Variants in KAZN observed in about 807,000 individuals in gnomAD.
KAZN encodes the protein kazrin.
Under a neutral mutation model 87.4 loss-of-function variants are expected in KAZN, and 40 were observed. The ratio of observed to expected loss-of-function variants is 0.46; its 90% confidence interval spans 0.36 to 0.60. The LOEUF is 0.60. Ranked by LOEUF, KAZN falls within the 20% of genes least tolerant of loss-of-function variation. The pLI is 0.00. For synonymous variants in KAZN, 466 were observed against 458.3 expected (o/e 1.02, Z -0.22); for missense variants, 898 against 1,073.9 (o/e 0.84, Z 2.29).
At position 14,397,632 on chromosome 1, in the gene KAZN, G is replaced by A. The variant is rs912303770; in HGVS notation, c.250-201351G>A. Among the ~76,000 whole-genome samples, 32 of 151,934 alleles carry A rather than the reference G, an allele frequency of 2.1e-4. 1 individual carries two copies. The highest frequency in any genetic ancestry group is 1.8e-4 in the Non-Finnish European group (12 of 67,986). ...AACAGTTTGGGAGGCCGAGGCGGGC[G>A]GATCACCTGAGGTCAGGAGTTTGAG... On this transcript the variant is annotated intron_variant, in intron 2 of 16. Coordinates refer to the KAZN transcript ENST00000636203.
chr1:14,582,373 A>G (rs1179792889), intron 2 of KAZN, among the ~76,000 whole-genome samples: 1 of 152,126 alleles, frequency 6.6e-6, no homozygotes, highest in Non-Finnish European at 1.5e-5. Flanking sequence ...TCACTTCCCA[A>G]TTTTAGCTTG....
intron 1 of KAZN, among the ~76,000 whole-genome samples, chr1:14,859,808 A>G (rs1650617818): frequency 1.3e-5 from 2 of 152,046 alleles, no homozygotes; most frequent in Non-Finnish European, 2.9e-5. Context: ...TCCTATTCCC[A>G]CTATTTCCCC....
chr1:14,167,212 G>GA (rs1645847699), intron 1 of KAZN, among the ~76,000 whole-genome samples: 1 of 152,196 alleles, frequency 6.6e-6, no homozygotes, highest in African/African-American at 2.4e-5. Flanking sequence ...GACAGAGCAG[G>GA]AATCTTGTTT....
intron 1 of KAZN, among the ~76,000 whole-genome samples, chr1:13,899,611 T>C (rs1362150542): frequency 6.6e-6 from 1 of 151,896 alleles, no homozygotes; most frequent in Non-Finnish European, 1.5e-5. Context: ...GACTCTAAGC[T>C]TCCTGAGGTC....
At chr1:14,653,717 G>A (rs2148701844) in intron 1 of KAZN, among the ~76,000 whole-genome samples, 1 of 152,320 alleles carries the variant, frequency 6.6e-6, no homozygotes, top group South Asian at 2.1e-4. Context: ...TGGTGCCTGG[G>A]AGACAGTAGG....
chr1:14,416,350 ACTT>A (rs1664758569), intron 2 of KAZN, among the ~76,000 whole-genome samples: 5 of 152,198 alleles, frequency 3.3e-5, no homozygotes, highest in South Asian at 2.1e-4. Context: ...CTAGAGAGTG[ACTT>A]CTTGATACAG....
At chr1:14,436,268 G>A (rs1291437203) in intron 2 of KAZN, among the ~76,000 whole-genome samples, 1 of 151,908 alleles carries the variant, frequency 6.6e-6, no homozygotes, top group Non-Finnish European at 1.5e-5. Flanking sequence ...ACACACACAG[G>A]ATTAGATGAC....
intron 2 of KAZN, among the ~76,000 whole-genome samples, chr1:14,550,353 G>A (rs1673424866): frequency 1.3e-5 from 2 of 152,180 alleles, no homozygotes. Flanking sequence ...ATTAGCCAAA[G>A]GTAATCAAGA....
chr1:14,418,195 TTGA>T (rs1664989412), intron 2 of KAZN, among the ~76,000 whole-genome samples: 1 of 151,940 alleles, frequency 6.6e-6, no homozygotes, highest in Non-Finnish European at 1.5e-5. Context: ...AAAGGTAGTG[TTGA>T]TGAGATATTA....
chr1:14,994,593 G>A (rs1363049929), intron 2 of KAZN, among the ~76,000 whole-genome samples: 1 of 152,170 alleles, frequency 6.6e-6, no homozygotes, highest in Non-Finnish European at 1.5e-5. Context: ...TTTTGGTTTT[G>A]CTTTTTCTCT....
At chr1:14,875,858 C>T (rs952296385) in intron 1 of KAZN, among the ~76,000 whole-genome samples, 7 of 152,188 alleles carry the variant, frequency 4.6e-5, no homozygotes, top group South Asian at 2.1e-4. Flanking sequence ...AGTGTGACCT[C>T]GGGAATTTCC....
At chr1:15,034,918 C>T (rs1021667454) in intron 3 of KAZN, 33 bp downstream of exon 3, 15 of 1,610,486 alleles carry the variant, frequency 9.3e-6, no homozygotes, top group East Asian at 2.2e-5. Flanking sequence ...CCTCCCCTCC[C>T]GACACACCAG....
At chr1:15,112,774 G>A in intron 14 of KAZN, 2 of 462,322 alleles carry the variant, frequency 4.3e-6, no homozygotes, top group South Asian at 2.7e-5. Flanking sequence ...GGATCTCAAA[G>A]TGCAGGTCTC....
intron 2 of KAZN, among the ~76,000 whole-genome samples, chr1:14,379,335 G>A (rs1168214753): frequency 6.6e-6 from 1 of 151,954 alleles, no homozygotes; most frequent in Non-Finnish European, 1.5e-5. Flanking sequence ...TACAGGGAGA[G>A]ACTCCTTCCG....
chr1:14,287,193 C>T (rs750524214), intron 2 of KAZN, among the ~76,000 whole-genome samples: 5 of 152,086 alleles, frequency 3.3e-5, no homozygotes, highest in African/African-American at 7.2e-5. Flanking sequence ...ACCTTGACAC[C>T]GTTTTACATT....
At chr1:14,329,645 C>A (rs1387726607) in intron 2 of KAZN, among the ~76,000 whole-genome samples, 1 of 152,184 alleles carries the variant, frequency 6.6e-6, no homozygotes, top group Non-Finnish European at 1.5e-5. Flanking sequence ...CCAAGCTACA[C>A]AACTAGACAG....
chr1:14,493,638 A>G (rs551921642), intron 2 of KAZN, among the ~76,000 whole-genome samples: 1 of 152,136 alleles, frequency 6.6e-6, no homozygotes, highest in African/African-American at 2.4e-5. Context: ...CCTTTCATTA[A>G]TTTTGCCTGA....
At chr1:14,631,118 C>T (rs1314202968) in intron 1 of KAZN, among the ~76,000 whole-genome samples, 1 of 152,098 alleles carries the variant, frequency 6.6e-6, no homozygotes, top group Non-Finnish European at 1.5e-5. Flanking sequence ...CCTGTATTCA[C>T]AGTTACTAGT....
chr1:14,355,018 A>G (rs936321930), intron 2 of KAZN, among the ~76,000 whole-genome samples: 1 of 152,224 alleles, frequency 6.6e-6, no homozygotes, highest in Non-Finnish European at 1.5e-5. Flanking sequence ...GAGCAATTAA[A>G]AAAAAGAAAT....
Sources: gnomAD v4.1 joint callset for allele counts (sites outside exome capture counted in the v4.1 genomes callset) on GRCh38, gnomAD v4.1.1 for gene constraint, MANE v1.5 for transcripts, NCBI Gene and HGNC (gene_info 2026-07-23, HGNC 2026-07-21) for gene names.